Variants in CPS1 observed in about 807,000 individuals in gnomAD.
The protein encoded by CPS1 is carbamoyl-phosphate synthase 1.
CPS1 carries 109 observed loss-of-function variants against 174.6 expected under a neutral mutation model. That is an observed-to-expected ratio of 0.62 (90% CI 0.53 to 0.73). The LOEUF is 0.73. CPS1 is among the 30% of genes least tolerant of loss of function. The probability of loss-of-function intolerance (pLI) is 0.00; values close to 1 mark genes in which losing one functional copy is unlikely to be tolerated. For missense variants in CPS1, 1,689 were observed against 1,821.9 expected (o/e 0.93, Z 1.33); for synonymous variants, 637 against 632.0 (o/e 1.01, Z -0.12).
chr2:210,581,045 C>T (rs1697907587), intron 5 of CPS1, among the ~76,000 whole-genome samples: 1 of 151,984 alleles, frequency 6.6e-6, no homozygotes, highest in Non-Finnish European at 1.5e-5. Flanking sequence ...AGAGTTTATG[C>T]CATCATTCTA....
intron 29 of CPS1, among the ~76,000 whole-genome samples, chr2:210,655,812 CT>C (rs760350267): frequency 4.6e-5 from 7 of 152,136 alleles, no homozygotes; most frequent in Admixed American, 6.5e-5. Context: ...TTATTTAAGT[CT>C]TTTATACCTA....
At chr2:210,614,285 T>A (rs1306843156) in intron 20 of CPS1, among the ~76,000 whole-genome samples, 2 of 151,892 alleles carry the variant, frequency 1.3e-5, no homozygotes. Flanking sequence ...TTTTTTTTTT[T>A]ATCCAGTCTA....
At chr2:210,555,422 A>G (rs1043041207), upstream of CPS1, among the ~76,000 whole-genome samples, 5 of 152,126 alleles carry the variant, frequency 3.3e-5, no homozygotes, top group Middle Eastern at 3.4e-3. Context: ...AATTATTTGT[A>G]TAAACTAGTA....
intron 1 of CPS1, among the ~76,000 whole-genome samples, chr2:210,549,970 C>A (rs191653905): frequency 3.9e-5 from 6 of 152,096 alleles, no homozygotes; most frequent in Non-Finnish European, 8.8e-5. Flanking sequence ...TACATAACTT[C>A]AAGCAATAAG....
At position 210,550,488 on chromosome 2, in the gene CPS1, T is replaced by A. The variant is rs149544070; in HGVS notation, c.4-6231T>A. Among the ~76,000 whole-genome samples the A allele has an allele frequency of 5.7e-4, 87 of 152,110 alleles. 1 individual carries two copies. The East Asian group carries it at 0.015, about 26-fold the overall frequency. On this transcript the variant is annotated intron_variant, in intron 1 of 38. Coordinates refer to the CPS1 transcript ENST00000430249. Reference sequence around the variant, plus strand: ...CTACTTAATTCTCTGAGACTCATCATTATTGTTTATAAAATAGGGATAGCA... The same window carrying A: ...CTACTTAATTCTCTGAGACTCATCAATATTGTTTATAAAATAGGGATAGCA...
chr2:210,523,328 G>C (rs1400101950), intron 1 of CPS1, among the ~76,000 whole-genome samples: 1 of 151,978 alleles, frequency 6.6e-6, no homozygotes, highest in African/African-American at 2.4e-5. Context: ...AACCCGAAAA[G>C]GTAAGTTGGT....
intron 1 of CPS1, among the ~76,000 whole-genome samples, chr2:210,533,827 G>A (rs1476977525): frequency 6.6e-6 from 1 of 152,154 alleles, no homozygotes; most frequent in Non-Finnish European, 1.5e-5. Context: ...CTACCAGGGG[G>A]CATTAATCAA....
At chr2:210,506,791 A>ATC in intron 1 of CPS1, among the ~76,000 whole-genome samples, 1 of 152,344 alleles carries the variant, frequency 6.6e-6, no homozygotes, top group Non-Finnish European at 1.5e-5. Context: ...TGGAAGATCA[A>ATC]ACGAATGAAA....
chr2:210,609,529 GTTA>G (rs1200618184), intron 19 of CPS1, among the ~76,000 whole-genome samples: 1 of 151,920 alleles, frequency 6.6e-6, no homozygotes, highest in Non-Finnish European at 1.5e-5. Context: ...CATCATTATT[GTTA>G]TTATTAAATT....
At chr2:210,677,761 C>G in intron 37 of CPS1, 126 bp from the exon 38 acceptor site, 1 of 816,038 alleles carries the variant, frequency 1.2e-6, no homozygotes, top group Non-Finnish European at 2.2e-6. Flanking sequence ...ACATAAAAAA[C>G]TTTTATGCCT....
intron 28 of CPS1, among the ~76,000 whole-genome samples, chr2:210,652,672 G>C (rs1700593883): frequency 6.6e-6 from 1 of 152,150 alleles, no homozygotes; most frequent in African/African-American, 2.4e-5. Context: ...TTTTGAATGT[G>C]AACTGCCTGT....
rs574684528 is a variant in CPS1, at chr2:210,508,856, G to A, written c.3+31090G>A. Among the ~76,000 whole-genome samples, 108 of 152,096 alleles carry A rather than the reference G, an allele frequency of 7.1e-4. 1 individual carries two copies. The highest frequency in any genetic ancestry group is 4.4e-3 in the Admixed American group (67 of 15,264). ...AAGAAGTTGAATCTCTGAATAGACCGATAACAGGCTCTGAAATTGAGGCAA... is the reference window on the plus strand; with the variant it reads ...AAGAAGTTGAATCTCTGAATAGACCAATAACAGGCTCTGAAATTGAGGCAA... On this transcript the variant is annotated intron_variant, in intron 1 of 38. Transcript: ENST00000430249.
chr2:210,595,977 C>G (rs928059813), intron 13 of CPS1, among the ~76,000 whole-genome samples: 5 of 151,788 alleles, frequency 3.3e-5, no homozygotes, highest in African/African-American at 1.2e-4. Flanking sequence ...CAGGATGCTT[C>G]GGGCATCTCT....
Position 210,616,532 on chromosome 2 carries a change from G to T in CPS1, c.2678G>T (p.Gly893Val), listed in dbSNP as rs760851899. The T allele has an allele frequency of 1.2e-5, 19 of 1,592,068 alleles. No individual in the cohort carries two copies. In the East Asian group the frequency reaches 4.2e-4, roughly 36 times the overall value. ...TTAAACATGGAAAAGACACTGAAAG[G>T]CCTCAACAGGTAAGGCAGTGCTGCT... ...DILNMEKTLK[G>V]LNSESMTEET... is the part of the protein sequence containing the mutation. The change falls in exon 21 of 38, where the codon GGC becomes GTC. Residue 893 changes from glycine to valine, a missense_variant. Coordinates refer to ENST00000233072, the MANE Select transcript of CPS1 (RefSeq NM_001875.5).
At chr2:210,654,870 G>T (rs1311478046) in intron 29 of CPS1, among the ~76,000 whole-genome samples, 1 of 152,198 alleles carries the variant, frequency 6.6e-6, no homozygotes, top group Non-Finnish European at 1.5e-5. Context: ...AGTAGATCTT[G>T]TTAATAAAAA....
chr2:210,601,482 A>G (rs1192017745), intron 15 of CPS1, among the ~76,000 whole-genome samples: 1 of 151,946 alleles, frequency 6.6e-6, no homozygotes, highest in Non-Finnish European at 1.5e-5. Context: ...TGTGTTACAA[A>G]CTTGTCAATC....
At chr2:210,567,776 C>T (rs1697351875) in intron 1 of CPS1, among the ~76,000 whole-genome samples, 3 of 152,240 alleles carry the variant, frequency 2.0e-5, no homozygotes, top group Admixed American at 6.5e-5. Context: ...GCCACCCAGC[C>T]TTAACTCATT....
intron 1 of CPS1, among the ~76,000 whole-genome samples, chr2:210,509,762 T>G (rs1695399329): frequency 6.6e-6 from 1 of 152,110 alleles, no homozygotes; most frequent in African/African-American, 2.4e-5. Context: ...AAATCATGAG[T>G]GAACTCCCAT....
intron 30 of CPS1, chr2:210,658,347 G>A (rs1346558698): frequency 2.4e-6 from 1 of 417,936 alleles, no homozygotes; most frequent in Non-Finnish European, 4.5e-6. Context: ...TAGGTAGATA[G>A]GGGAATTTGG....
Sources: gnomAD v4.1 joint callset for allele counts (sites outside exome capture counted in the v4.1 genomes callset) on GRCh38, gnomAD v4.1.1 for gene constraint, MANE v1.5 for transcripts, NCBI Gene and HGNC (gene_info 2026-07-23, HGNC 2026-07-21) for gene names.